Variants in NR1H4 observed in about 807,000 individuals in gnomAD.
NR1H4 encodes bile acid receptor.
A neutral mutation model predicts 58.5 loss-of-function variants in NR1H4; 23 were observed. The observed-to-expected ratio is 0.39, with a 90% CI of 0.28 to 0.56. The LOEUF is 0.56. NR1H4 is among the 20% of genes least tolerant of loss of function. The pLI, the probability that NR1H4 is intolerant of heterozygous loss-of-function variation, is 0.58. For synonymous variants in NR1H4, 214 were observed against 198.0 expected, an observed-to-expected ratio of 1.08 and a Z score of -0.68; for missense variants, 487 against 576.9, an observed-to-expected ratio of 0.84 and a Z score of 1.60.
At chr12:100,499,858 C>T (rs919213) in intron 3 of NR1H4, 20,056 of 455,794 alleles carry the variant, frequency 0.044, 1,697 homozygotes, top group East Asian at 0.31. Context: ...AACAGATTTC[C>T]TGGGTTGGTT....
chr12:100,502,786 G>A (rs1311019984), intron 3 of NR1H4, among the ~76,000 whole-genome samples: 2 of 152,144 alleles, frequency 1.3e-5, no homozygotes, highest in Non-Finnish European at 2.9e-5. Flanking sequence ...CTTACATGGT[G>A]GTAGGCATGT....
intron 3 of NR1H4, among the ~76,000 whole-genome samples, chr12:100,499,437 T>C (rs978448663): frequency 6.6e-6 from 1 of 152,238 alleles, no homozygotes; most frequent in Non-Finnish European, 1.5e-5. Flanking sequence ...TTTAATTTAC[T>C]GTTACTTTGG....
chr12:100,562,529 A>G (rs1955499583), intron 10 of NR1H4, among the ~76,000 whole-genome samples: 2 of 152,170 alleles, frequency 1.3e-5, no homozygotes, highest in Admixed American at 1.3e-4. Flanking sequence ...TCTAAAAGTC[A>G]TTTCCCAAGT....
intron 4 of NR1H4, among the ~76,000 whole-genome samples, chr12:100,523,936 A>G (rs1026966308): frequency 1.3e-5 from 2 of 152,210 alleles, no homozygotes; most frequent in African/African-American, 4.8e-5. Context: ...ATAGACAAAA[A>G]GAGAAAACAG....
chr12:100,541,751 C>T (rs1954941197), intron 9 of NR1H4, among the ~76,000 whole-genome samples: 1 of 151,834 alleles, frequency 6.6e-6, no homozygotes, highest in South Asian at 2.1e-4. Flanking sequence ...CGCATGCCAT[C>T]ACACCCAGCT....
chr12:100,555,505 G>A (rs377040873), intron 9 of NR1H4, among the ~76,000 whole-genome samples: 3 of 152,102 alleles, frequency 2.0e-5, no homozygotes, highest in African/African-American at 4.8e-5. Flanking sequence ...AAGTTCACAC[G>A]TTTAATCTAA....
At chr12:100,560,816 C>T (rs376931504) in intron 9 of NR1H4, among the ~76,000 whole-genome samples, 15 of 152,098 alleles carry the variant, frequency 9.9e-5, no homozygotes, top group African/African-American at 3.4e-4. Context: ...TAAGTAAATG[C>T]CAGGTGCAAT....
At chr12:100,495,515 G>A (rs370983106) in intron 3 of NR1H4, among the ~76,000 whole-genome samples, 1 of 152,008 alleles carries the variant, frequency 6.6e-6, no homozygotes, top group Non-Finnish European at 1.5e-5. Context: ...GGTGGATCAC[G>A]AGGTCAGGAG....
rs1298508697 is a variant in NR1H4 at position 100,492,562 on chromosome 12, C to T, written c.-130C>T. On this transcript the variant is annotated 5_prime_UTR_variant, in exon 2 of 11. Transcript: ENST00000392986. ...GAAAAGAAGACTTAGAAACATAGCT[C>T]AAAGTGAACACTGCTTCTCTTAGTT... 1 of 152,176 alleles carries T rather than the reference C, an allele frequency of 6.6e-6. No homozygotes were observed. Among genetic ancestry groups the T allele is most frequent in the Non-Finnish European group, 1.5e-5 (1 of 68,022 alleles). The allele number at this position is 152,176 out of a possible 1,614,324, so 9.4% of individuals were successfully genotyped here.
At position 100,496,483 on chromosome 12, in the gene NR1H4, T is replaced by C. The variant is rs148967467; in HGVS notation, c.79+3081T>C. 4.8e-3 allele frequency among the ~76,000 whole-genome samples: 733 copies of C among 152,310 alleles called. 5 individuals carry two copies. The highest frequency in any genetic ancestry group is 0.016 in the African/African-American group (659 of 41,562). ...GTCTGGAATGGACTCAGAAGGACCT[T>C]GTCTTCTACTCATTTTTATTTAGGG... On this transcript the variant is annotated intron_variant, in intron 3 of 10. Transcript: ENST00000392986.
intron 3 of NR1H4, among the ~76,000 whole-genome samples, chr12:100,501,550 C>G (rs1953834818): frequency 6.6e-6 from 1 of 152,072 alleles, no homozygotes; most frequent in African/African-American, 2.4e-5. Context: ...CACTGAAACT[C>G]ACTGAGTTTA....
chr12:100,558,582 C>T (rs1955389519), intron 9 of NR1H4, among the ~76,000 whole-genome samples: 1 of 152,318 alleles, frequency 6.6e-6, no homozygotes, highest in African/African-American at 2.4e-5. Context: ...TAGTCTCAAA[C>T]TCCTGAGCTC....
At chr12:100,530,149 T>G (rs2136222092) in intron 4 of NR1H4, among the ~76,000 whole-genome samples, 1 of 152,340 alleles carries the variant, frequency 6.6e-6, no homozygotes, top group South Asian at 2.1e-4. Context: ...TTTCAGATAG[T>G]TGGTACTTAA....
At chr12:100,560,984 A>G (rs901533699) in intron 9 of NR1H4, among the ~76,000 whole-genome samples, 1 of 151,464 alleles carries the variant, frequency 6.6e-6, no homozygotes, top group Non-Finnish European at 1.5e-5. Context: ...AACGTGGGGG[A>G]GCTTAGTTCT....
intron 1 of NR1H4, among the ~76,000 whole-genome samples, chr12:100,478,689 T>A (rs7959056): frequency 6.6e-6 from 1 of 152,142 alleles, no homozygotes; most frequent in Non-Finnish European, 1.5e-5. Flanking sequence ...CTGTTGATGG[T>A]TTTTTAGGTG....
intron 3 of NR1H4, chr12:100,503,627 T>C: frequency 2.3e-6 from 2 of 882,808 alleles, no homozygotes; most frequent in Admixed American, 3.3e-5. Flanking sequence ...CCCAGAAGAC[T>C]GGAATGAGAG....
In NR1H4 at chr12:100,545,654, A is replaced by AC. The variant is rs1565777325; in HGVS notation, c.1078+4836_1078+4837insC. 2.1e-3 allele frequency among the ~76,000 whole-genome samples: 306 copies of AC among 146,634 alleles called. 12 individuals carry two copies. The highest frequency in any genetic ancestry group is 7.8e-3 in the African/African-American group (297 of 38,188). ...GAGACCTTGTCTCAAAAAAAAAAAAAAAAAAAAAAAAAAAACCAAACGGGG... is the reference window on the plus strand; with the variant it reads ...GAGACCTTGTCTCAAAAAAAAAAAAACAAAAAAAAAAAAAAACCAAACGGGG... On this transcript the variant is annotated intron_variant, in intron 9 of 10. Coordinates refer to ENST00000392986, the MANE Select transcript of NR1H4 (RefSeq NM_001206979.2).
chr12:100,480,413 C>T (rs998967987), intron 1 of NR1H4, among the ~76,000 whole-genome samples: 1 of 152,144 alleles, frequency 6.6e-6, no homozygotes, highest in African/African-American at 2.4e-5. Context: ...ACTGACACAT[C>T]CACCGTACTA....
Position 100,493,317 on chromosome 12 carries a change from A to C in NR1H4, c.-7A>C, listed in dbSNP as rs757721305. On this transcript the variant is annotated 5_prime_UTR_variant, in exon 3 of 11. Coordinates refer to ENST00000392986, the MANE Select transcript of NR1H4 (RefSeq NM_001206979.2). The stretch of plus-strand genomic sequence containing the variant: ...TAAAGAAAGTGCATTTCAATTGAAA[A>C]ATTTGGATGGGATCAAAAATGAATC... 2.7e-6 allele frequency: 4 copies of C among 1,502,396 alleles called. No homozygotes were observed. The South Asian group carries it at 4.6e-5, about 17-fold the overall frequency. 93.1% of individuals were successfully genotyped at this position (1,502,396 alleles called of 1,614,324 possible). A position where few individuals can be genotyped will look rare whatever the true frequency, so the allele number is the denominator to read the frequency against.
Sources: gnomAD v4.1 joint callset for allele counts (sites outside exome capture counted in the v4.1 genomes callset) on GRCh38, gnomAD v4.1.1 for gene constraint, MANE v1.5 for transcripts, NCBI Gene and HGNC (gene_info 2026-07-23, HGNC 2026-07-21) for gene names.